Variants in SOX7 observed in about 807,000 individuals in gnomAD.
SOX7 encodes SRY-box transcription factor 7.
SOX7 carries 19 observed loss-of-function variants against 24.9 expected under a neutral mutation model. The observed-to-expected ratio is 0.76, with a 90% CI of 0.53 to 1.12. The LOEUF (loss-of-function observed/expected upper bound fraction) is 1.12, where lower values mean the gene tolerates loss of function less well. Among genes scored for constraint, SOX7 ranks in the 50% most tolerant of loss-of-function variants. The probability of loss-of-function intolerance (pLI) is 0.00; values close to 1 mark genes in which losing one functional copy is unlikely to be tolerated. For synonymous variants in SOX7, 327 were observed against 244.5 expected (o/e 1.34, Z -3.15); for missense variants, 702 against 535.0 (o/e 1.31, Z -3.08).
In SOX7 at chr8:10,726,619, C is replaced by T; in HGVS notation, c.286G>A (p.Asp96Asn). 6.2e-7 allele frequency: 1 copy of T among 1,602,356 alleles called. No homozygotes were observed. Among genetic ancestry groups the T allele is most frequent in the South Asian group, 1.1e-5 (1 of 90,482 alleles). Residue 96 changes from aspartate to asparagine, a missense_variant, in exon 2 of 2, where the codon GAC becomes AAC. Asp to Asn is a conservative substitution (Grantham distance 23). Coordinates refer to ENST00000304501, the MANE Select transcript of SOX7 (RefSeq NM_031439.4). ...LTLSQKRPYV[D>N]EAERLRLQHM... ...TGCAGGCGCAGCCGCTCCGCCTCGT[C>T]CACGTACGGCCTCTTCTGGGACAGC...
intron 1 of SOX7, chr8:10,729,182 C>G (rs747480447): frequency 2.0e-5 from 3 of 152,202 alleles, no homozygotes; most frequent in Non-Finnish European, 2.9e-5. Context: ...AGTCCTATCC[C>G]CAAAGTTCCG....
At position 10,725,973 on chromosome 8, in the gene SOX7, C is replaced by T. The variant is rs760924961; in HGVS notation, c.932G>A (p.Gly311Asp). ...GQLSPPPEHP[G>D]FDALDQLSQV... is the part of the protein sequence containing the mutation. Reference sequence around the variant, plus strand: ...GCTCAGTTGATCCAGGGCGTCGAAGCCAGGGTGCTCAGGAGGCGGGGAAAG... The same window carrying T: ...GCTCAGTTGATCCAGGGCGTCGAAGTCAGGGTGCTCAGGAGGCGGGGAAAG... The change falls in exon 2 of 2, where the codon GGC becomes GAC. Residue 311 changes from glycine to aspartate, a missense_variant. Gly to Asp is a moderately conservative substitution (Grantham distance 94). Transcript: ENST00000304501. 3.1e-6 allele frequency: 5 copies of T among 1,608,128 alleles called. No individual in the cohort carries two copies. The highest frequency in any genetic ancestry group is 2.7e-5 in the African/African-American group (2 of 74,824).
At chr8:10,726,728 A>G in intron 1 of SOX7, 62 bp from the exon 2 acceptor site, 1 of 1,407,472 alleles carries the variant, frequency 7.1e-7, no homozygotes. Flanking sequence ...TCGCACATGC[A>G]CACGCGTGCA....
chr8:10,726,327 C>T lies in SOX7; in HGVS notation c.578G>A (p.Ser193Asn). 1 of 1,613,256 alleles carries T rather than the reference C, an allele frequency of 6.2e-7. No homozygotes were observed. Among genetic ancestry groups the T allele is most frequent in the Non-Finnish European group, 8.5e-7 (1 of 1,179,824 alleles). ...AGGGGGGTPS[S>N]VDTYPYGLPT... Reference sequence around the variant, plus strand: ...CAGCCCGTACGGGTACGTGTCCACACTGCTCGGGGTGCCGCCGCCGCCACC... The same window carrying T: ...CAGCCCGTACGGGTACGTGTCCACATTGCTCGGGGTGCCGCCGCCGCCACC... Residue 193 changes from serine (S) to asparagine (N), a missense_variant, in exon 2 of 2, where the codon AGT (serine) becomes AAT (asparagine). Transcript: ENST00000304501.
At position 10,726,330 on chromosome 8, in the gene SOX7, C is replaced by G. The variant is rs996632627; in HGVS notation, c.575G>C (p.Ser192Thr). ...CCCGTACGGGTACGTGTCCACACTG[C>G]TCGGGGTGCCGCCGCCGCCACCACC... ...PAGGGGGGTPSSVDTYPYGLP... is the reference protein window; with the variant it reads ...PAGGGGGGTPTSVDTYPYGLP... Residue 192 changes from serine (S) to threonine (T), a missense_variant, in exon 2 of 2, where the codon AGC becomes ACC. Transcript: ENST00000304501. 2 of 1,612,840 alleles carry G rather than the reference C, an allele frequency of 1.2e-6. No individual in the cohort carries two copies. The highest frequency in any genetic ancestry group is 1.7e-6 in the Non-Finnish European group (2 of 1,179,742).
intron 1 of SOX7, 74 bp from the exon 2 acceptor site, chr8:10,726,740 A>G (rs1800164493): frequency 3.8e-6 from 5 of 1,301,932 alleles, no homozygotes; most frequent in Non-Finnish European, 5.2e-6. Flanking sequence ...ACGCGTGCAC[A>G]CACACGTGCA....
chr8:10,730,401 G>C lies in SOX7; in HGVS notation c.33C>G (p.Pro11=), dbSNP rs932590022. The C allele has an allele frequency of 4.6e-6, 7 of 1,506,494 alleles. No homozygotes were observed. Among genetic ancestry groups the C allele is most frequent in the Admixed American group, 2.5e-5 (1 of 40,094 alleles). The allele number at this position is 1,506,494 out of a possible 1,614,324, so 93.3% of individuals were successfully genotyped here. Residue 11 remains proline, a synonymous_variant, in exon 1 of 2, where the codon CCC becomes CCG. Transcript: ENST00000304501. The surrounding 1 kb of genome is among the most constrained non-coding windows in gnomAD (Gnocchi z 4.8). ...CCAGGGCCGGGCACTCGAGACCCTC[G>C]GGCCAAGGGTAGGCTCCCAGCAGCG... MASLLGAYPW[P]EGLECPALDA... is the part of the protein sequence containing the mutation.
intron 1 of SOX7, among the ~76,000 whole-genome samples, chr8:10,726,931 A>G (rs1800167721): frequency 6.6e-6 from 1 of 152,200 alleles, no homozygotes; most frequent in African/African-American, 2.4e-5. Context: ...AAAAGCCGCC[A>G]GAGCGTGCCC....
At chr8:10,728,201 G>A (rs1800192101) in intron 1 of SOX7, among the ~76,000 whole-genome samples, 1 of 152,204 alleles carries the variant, frequency 6.6e-6, no homozygotes, top group Non-Finnish European at 1.5e-5. Context: ...GCTTTTAAAT[G>A]TACCTGGATG....
rs1800107484 is a variant in SOX7, at chr8:10,724,721, T to C, written c.*1017A>G. 1 of 117,594 alleles carries C rather than the reference T, an allele frequency of 8.5e-6. No individual in the cohort carries two copies. Among genetic ancestry groups the C allele is most frequent in the Non-Finnish European group, 1.5e-5 (1 of 64,804 alleles). 7.3% of individuals were successfully genotyped at this position (117,594 alleles called of 1,614,324 possible). On this transcript the variant is annotated 3_prime_UTR_variant, in exon 2 of 2. Coordinates refer to ENST00000304501, the MANE Select transcript of SOX7 (RefSeq NM_031439.4). ...GTATACATTCAGACTGTGCATATTC[T>C]TTTTTTTTTTTTTTTCTTGAAATGG...
chr8:10,726,804 T>C, intron 1 of SOX7, 138 bp from the exon 2 acceptor site: 1 of 759,492 alleles, frequency 1.3e-6, no homozygotes, highest in South Asian at 1.9e-5. Flanking sequence ...CGGGCATCTC[T>C]TGCACCCTCT....
At position 10,730,466 on chromosome 8, in the gene SOX7, G is replaced by C. The variant is rs1013561811; in HGVS notation, c.-33C>G. The C allele has an allele frequency of 3.6e-6, 5 of 1,398,400 alleles. No homozygotes were observed. The highest frequency in any genetic ancestry group is 6.1e-5 in the East Asian group (2 of 33,008). 86.6% of individuals were successfully genotyped at this position (1,398,400 alleles called of 1,614,324 possible). A position where few individuals can be genotyped will look rare whatever the true frequency, so the allele number is the denominator to read the frequency against. On this transcript the variant is annotated 5_prime_UTR_variant, in exon 1 of 2. Coordinates refer to ENST00000304501, the MANE Select transcript of SOX7 (RefSeq NM_031439.4). This position sits in a 1 kb window ranked among gnomAD's most constrained non-coding sequence, Gnocchi z 4.8. ...CGCGGGTCGCCTCGCTTCGCCTGGC[G>C]GGGCAGGCGCGGACCTGGCCCTCGC...
rs549229512 is a variant in SOX7, at chr8:10,726,071, G to A, written c.834C>T (p.Pro278=). The change falls in exon 2 of 2, where the codon CCC becomes CCT. Residue 278 remains proline, a synonymous_variant. Coordinates refer to ENST00000304501, the MANE Select transcript of SOX7 (RefSeq NM_031439.4). ...VSMMSPVPGC[P]PSPAYYSPAT... The stretch of plus-strand genomic sequence containing the variant: ...CCGGGGAGTAATAGGCAGGAGATGG[G>A]GGACAGCCGGGTACAGGGGACATCA... 5 of 1,563,802 alleles carry A rather than the reference G, an allele frequency of 3.2e-6. No homozygotes were observed. The highest frequency in any genetic ancestry group is 2.7e-5 in the African/African-American group (2 of 73,944).
Position 10,725,599 on chromosome 8 carries a change from C to A in SOX7, c.*139G>T. The A allele has an allele frequency of 4.6e-6, 4 of 877,624 alleles. No individual in the cohort carries two copies. Among genetic ancestry groups the A allele is most frequent in the Non-Finnish European group, 7.0e-6 (4 of 570,552 alleles). The allele number at this position is 877,624 out of a possible 1,614,324, so 54.4% of individuals were successfully genotyped here. A position where few individuals can be genotyped will look rare whatever the true frequency, so the allele number is the denominator to read the frequency against. On this transcript the variant is annotated 3_prime_UTR_variant, in exon 2 of 2. Transcript: ENST00000304501. Reference sequence around the variant, plus strand: ...CGGATAAGGAGAGTCCAGCTTAGGCCAAAGGCTCTGGGGCCGCAGTTCAGA... The same window carrying A: ...CGGATAAGGAGAGTCCAGCTTAGGCAAAAGGCTCTGGGGCCGCAGTTCAGA...
Position 10,730,009 on chromosome 8 carries a change from G to T in SOX7, c.238+187C>A, listed in dbSNP as rs1421633704. 6.6e-6 allele frequency among the ~76,000 whole-genome samples: 1 copy of T among 151,872 alleles called. No homozygotes were observed. Among genetic ancestry groups the T allele is most frequent in the African/African-American group, 2.4e-5 (1 of 41,336 alleles). ...ACTTTGGACCGCGCCAAGTGCCCCCGCTCTGAATCCTGGGCACCGCGAGCA... is the reference window on the plus strand; with the variant it reads ...ACTTTGGACCGCGCCAAGTGCCCCCTCTCTGAATCCTGGGCACCGCGAGCA... On this transcript the variant is annotated intron_variant, in intron 1 of 1. Transcript: ENST00000304501. The surrounding 1 kb of genome is among the most constrained non-coding windows in gnomAD (Gnocchi z 4.8).
At position 10,726,104 on chromosome 8, in the gene SOX7, G is replaced by A. The variant is rs201998586; in HGVS notation, c.801C>T (p.Gly267=). 3 of 1,567,326 alleles carry A rather than the reference G, an allele frequency of 1.9e-6. No individual in the cohort carries two copies. The highest frequency in any genetic ancestry group is 1.8e-5 in the Admixed American group (1 of 55,096). Residue 267 remains glycine (G), a synonymous_variant, in exon 2 of 2, where the codon GGC becomes GGT. Coordinates refer to ENST00000304501, the MANE Select transcript of SOX7 (RefSeq NM_031439.4). ...LGSLALGQSP[G]VSMMSPVPGC... is the part of the protein sequence containing the mutation. ...CGGGTACAGGGGACATCATGGAGAC[G>A]CCGGGGGACTGGCCAAGGGCCAGGG...
Position 10,725,495 on chromosome 8 carries a change from G to A in SOX7, c.*243C>T, listed in dbSNP as rs185626391. The A allele has an allele frequency of 5.3e-4, 296 of 560,878 alleles. No individual in the cohort carries two copies. The highest frequency in any genetic ancestry group is 5.2e-3 in the African/African-American group (277 of 53,154). 34.7% of individuals were successfully genotyped at this position (560,878 alleles called of 1,614,324 possible). ...GAGACAGCAACTCTCAGGGGCTGGAGGAAAACTCACTTGAAGGAATATACT... is the reference window on the plus strand; with the variant it reads ...GAGACAGCAACTCTCAGGGGCTGGAAGAAAACTCACTTGAAGGAATATACT... On this transcript the variant is annotated 3_prime_UTR_variant, in exon 2 of 2. Transcript: ENST00000304501.
chr8:10,726,182 C>G lies in SOX7; in HGVS notation c.723G>C (p.Pro241=). ...PRRIPHLPGH[P]YSPEYAPSPL... Reference sequence around the variant, plus strand: ...GGCTTGGGGCGTACTCCGGTGAGTACGGGTGCCCTGGCAGGTGGGGGATGC... The same window carrying G: ...GGCTTGGGGCGTACTCCGGTGAGTAGGGGTGCCCTGGCAGGTGGGGGATGC... The change falls in exon 2 of 2, where the codon CCG becomes CCC. Residue 241 remains proline, a synonymous_variant. Coordinates refer to ENST00000304501, the MANE Select transcript of SOX7 (RefSeq NM_031439.4). 1 of 1,610,628 alleles carries G rather than the reference C, an allele frequency of 6.2e-7. No individual in the cohort carries two copies. The highest frequency in any genetic ancestry group is 8.5e-7 in the Non-Finnish European group (1 of 1,178,486).
chr8:10,729,864 C>T (rs1251186032), intron 1 of SOX7, among the ~76,000 whole-genome samples: 1 of 152,132 alleles, frequency 6.6e-6, no homozygotes, highest in Non-Finnish European at 1.5e-5. Context: ...CCTGTCCATG[C>T]ACGCCGGTCC....
Sources: allele counts gnomAD v4.1 joint callset (sites outside exome capture counted in the v4.1 genomes callset), GRCh38; gene constraint gnomAD v4.1.1; non-coding constraint Gnocchi (gnomAD v3.1); transcripts MANE v1.5; gene names NCBI Gene and HGNC (gene_info 2026-07-23, HGNC 2026-07-21).